Variants in BOC observed in about 807,000 individuals in gnomAD.
BOC encodes BOC cell adhesion associated, oncogene regulated, also known as brother of CDO.
Under a neutral mutation model 112.0 loss-of-function variants are expected in BOC, and 76 were observed. The ratio of observed to expected loss-of-function variants is 0.68; its 90% CI spans 0.56 to 0.82. The LOEUF is 0.82. BOC is among the 40% of genes least tolerant of loss of function. The probability of loss-of-function intolerance (pLI) is 0.00; values close to 1 mark genes in which losing one functional copy is unlikely to be tolerated. For synonymous variants in BOC, 580 were observed against 599.8 expected (o/e 0.97, Z 0.48); for missense variants, 1,309 against 1,511.7 (o/e 0.87, Z 2.22).
rs1387027231 is a variant in BOC, at chr3:113,278,770, C to T, written c.1803C>T (p.His601=). Residue 601 remains histidine, a synonymous_variant, in exon 11 of 20, where the codon CAC becomes CAT. Transcript: ENST00000682979. This position sits in a 1 kb window ranked among gnomAD's most constrained non-coding sequence, Gnocchi z 4.2. ...CCCAGAGCAGCAGCCAGCCAGACCA[C>T]GGCCGCCTCTCCCGTAAGCCGCTAG... ...ASPQSSSQPD[H]GRLSPPEAPD... is the part of the protein sequence containing the mutation. The T allele has an allele frequency of 1.0e-5, 16 of 1,554,960 alleles. No homozygotes were observed. The highest frequency in any genetic ancestry group is 4.9e-5 in the East Asian group (2 of 41,162).
At chr3:113,257,572 T>G (rs192809080) in intron 4 of BOC, among the ~76,000 whole-genome samples, 1 of 151,854 alleles carries the variant, frequency 6.6e-6, no homozygotes. Flanking sequence ...CTCAAGATTT[T>G]TTTTTCTCAA....
intron 4 of BOC, among the ~76,000 whole-genome samples, chr3:113,260,721 A>AAGAACAGAAC (rs1553737947): frequency 5.4e-5 from 5 of 92,222 alleles, no homozygotes; most frequent in Admixed American, 1.1e-4. Flanking sequence ...ACAGAACAGA[A>AAGAACAGAAC]AGAACAGAAC....
chr3:113,217,143 C>T (rs1249933178), intron 2 of BOC, among the ~76,000 whole-genome samples: 1 of 152,148 alleles, frequency 6.6e-6, no homozygotes, highest in Non-Finnish European at 1.5e-5. Context: ...CATCCAGAAT[C>T]CTATTACTGG....
At chr3:113,249,940 T>C (rs1255437171) in intron 3 of BOC, 41 bp downstream of exon 3, 1 of 1,546,992 alleles carries the variant, frequency 6.5e-7, no homozygotes, top group Non-Finnish European at 8.9e-7. Context: ...TACAGTCAAA[T>C]GGAAACATTC....
chr3:113,260,506 C>T (rs1946698891), intron 4 of BOC, among the ~76,000 whole-genome samples: 1 of 152,106 alleles, frequency 6.6e-6, no homozygotes, highest in Admixed American at 6.5e-5. Flanking sequence ...CACAGGGGTC[C>T]CCAACCCCCA....
At chr3:113,260,667 T>TAGAAC (rs11455670) in intron 4 of BOC, among the ~76,000 whole-genome samples, 3,743 of 126,274 alleles carry the variant, frequency 0.03, 95 homozygotes, top group South Asian at 0.042. Flanking sequence ...TAGAATAGAA[T>TAGAAC]AGAACAGAAC....
At chr3:113,277,037 T>TA (rs1948741006) in intron 9 of BOC, among the ~76,000 whole-genome samples, 1 of 152,212 alleles carries the variant, frequency 6.6e-6, no homozygotes, top group Non-Finnish European at 1.5e-5. Flanking sequence ...GGAGCTCCCT[T>TA]ACTTTTTCCT....
intron 2 of BOC, among the ~76,000 whole-genome samples, chr3:113,236,284 A>ATATATATATATATATATATACCCATGGG (rs1559821612): frequency 1.2e-3 from 6 of 5,098 alleles, no homozygotes; most frequent in African/African-American, 2.0e-3. Flanking sequence ...ACCCATGGGT[A>ATATATATATATATATATATACCCATGGG]TATATATATA....
At chr3:113,273,489 G>A (rs1053820345) in intron 8 of BOC, 148 bp downstream of exon 8, 2 of 915,716 alleles carry the variant, frequency 2.2e-6, no homozygotes, top group Admixed American at 3.1e-5. Flanking sequence ...TAATAAATCT[G>A]AAGTACAGAT....
chr3:113,278,952 G>A lies in BOC; in HGVS notation c.1816+169G>A. 1.5e-6 allele frequency: 1 copy of A among 678,310 alleles called. No homozygotes were observed. 42.0% of individuals were successfully genotyped at this position (678,310 alleles called of 1,614,324 possible). On this transcript the variant is annotated intron_variant, in intron 11 of 19. Transcript: ENST00000682979. The surrounding 1 kb of genome is among the most constrained non-coding windows in gnomAD (Gnocchi z 4.2). The stretch of plus-strand genomic sequence containing the variant: ...TTTGGAGCTTTTTAAATAAAAGGCT[G>A]GCATTGATGCTGGGATTGCTCACTG...
chr3:113,211,309 G>T (rs1938111436), upstream of BOC, among the ~76,000 whole-genome samples: 1 of 152,136 alleles, frequency 6.6e-6, no homozygotes, highest in Admixed American at 6.5e-5. Context: ...GGTGCTTTTG[G>T]TATGGGAAAG....
chr3:113,237,246 C>A (rs1271298262), intron 2 of BOC, among the ~76,000 whole-genome samples: 1 of 152,170 alleles, frequency 6.6e-6, no homozygotes, highest in East Asian at 1.9e-4. Flanking sequence ...CAGCCGTGGG[C>A]TCAGCACATC....
intron 2 of BOC, among the ~76,000 whole-genome samples, chr3:113,219,140 G>A (rs1940069874): frequency 6.6e-6 from 1 of 152,242 alleles, no homozygotes; most frequent in African/African-American, 2.4e-5. Context: ...GCACACACAA[G>A]CAGCAGGTAC....
rs781542207 is a variant in BOC, at chr3:113,273,281, A to G, written c.1174A>G (p.Met392Val). Residue 392 changes from methionine to valine, a missense_variant, in exon 8 of 20, where the codon ATG becomes GTG. Met to Val is a conservative substitution (Grantham distance 21, BLOSUM62 1). Transcript: ENST00000682979. ...TGAGGACGAAGGCGTCTACCAGTGC[A>G]TGGCCGAGAACGAGGTTGGGAGCGC... Reference protein sequence around the residue: ...GPEDEGVYQCMAENEVGSAHA... With the variant: ...GPEDEGVYQCVAENEVGSAHA... 4 of 1,608,764 alleles carry G rather than the reference A, an allele frequency of 2.5e-6. No homozygotes were observed. The highest frequency in any genetic ancestry group is 1.3e-5 in the African/African-American group (1 of 74,964).
rs554728906 is a variant in BOC, at chr3:113,271,548, T to C, written c.667+604T>C. The C allele has an allele frequency of 2.7e-5, 6 of 223,280 alleles. No individual in the cohort carries two copies. In the East Asian group the frequency reaches 4.4e-4, roughly 17 times the overall value. 13.8% of individuals were successfully genotyped at this position (223,280 alleles called of 1,614,324 possible). On this transcript the variant is annotated intron_variant, in intron 6 of 19. Coordinates refer to ENST00000682979, the MANE Select transcript of BOC (RefSeq NM_001378074.1). ...GAGTTGGCACCAGAGATGGAATCAC[T>C]GTGAAGCTAATGAAGTTAAACTTCC...
intron 4 of BOC, among the ~76,000 whole-genome samples, chr3:113,260,339 G>T (rs901792951): frequency 6.6e-6 from 1 of 152,176 alleles, no homozygotes; most frequent in African/African-American, 2.4e-5. Context: ...CAGGGACTCA[G>T]GATACAAAGA....
In BOC at chr3:113,286,943, G is replaced by C. The variant is rs1949754232; in HGVS notation, c.*81G>C. ...GAAGAAAAAAGAGACAGAGAAAATT[G>C]GTATTTATTTTTCTATTATAGCCAT... On this transcript the variant is annotated 3_prime_UTR_variant, in exon 20 of 20. Transcript: ENST00000682979. 1.5e-6 allele frequency: 2 copies of C among 1,307,624 alleles called. No homozygotes were observed. The highest frequency in any genetic ancestry group is 2.1e-6 in the Non-Finnish European group (2 of 963,286). 81.0% of individuals were successfully genotyped at this position (1,307,624 alleles called of 1,614,324 possible).
intron 2 of BOC, among the ~76,000 whole-genome samples, chr3:113,247,993 G>A (rs1474303244): frequency 6.6e-6 from 1 of 152,182 alleles, no homozygotes; most frequent in African/African-American, 2.4e-5. Flanking sequence ...CCAGAGTAGT[G>A]CTGAAGTCTT....
intron 2 of BOC, among the ~76,000 whole-genome samples, chr3:113,218,562 C>A (rs1254418624): frequency 6.6e-6 from 1 of 152,206 alleles, no homozygotes; most frequent in African/African-American, 2.4e-5. Context: ...GCAAGTGAGA[C>A]CACATCAAGT....
Sources: allele counts gnomAD v4.1 joint callset (sites outside exome capture counted in the v4.1 genomes callset), GRCh38; gene constraint gnomAD v4.1.1; non-coding constraint Gnocchi (gnomAD v3.1); transcripts MANE v1.5; gene names NCBI Gene and HGNC (gene_info 2026-07-23, HGNC 2026-07-21).